Variants in RAD51B observed in about 807,000 individuals in gnomAD.
The protein encoded by RAD51B is DNA repair protein RAD51 homolog 2.
Under a neutral mutation model 42.2 loss-of-function variants are expected in RAD51B, and 38 were observed. The observed-to-expected ratio is 0.90, with a 90% CI of 0.70 to 1.18. The LOEUF (loss-of-function observed/expected upper bound fraction) is 1.18, where lower values mean the gene tolerates loss of function less well. Among genes scored for constraint, RAD51B ranks in the 50% most tolerant of loss-of-function variants. RAD51B has a pLI of 0.00. For missense variants in RAD51B, 373 were observed against 400.7 expected, an observed-to-expected ratio of 0.93 and a Z score of 0.59; for synonymous variants, 154 against 145.2, an observed-to-expected ratio of 1.06 and a Z score of -0.43.
chr14:68,158,742 C>T (rs898318690), intron 7 of RAD51B, among the ~76,000 whole-genome samples: 3 of 152,142 alleles, frequency 2.0e-5, no homozygotes, highest in African/African-American at 4.8e-5. Context: ...ATTTTTGCCT[C>T]TCCTGTCGAT....
chr14:68,327,228 T>C (rs1312151142), intron 8 of RAD51B, among the ~76,000 whole-genome samples: 1 of 152,174 alleles, frequency 6.6e-6, no homozygotes, highest in East Asian at 1.9e-4. Flanking sequence ...GTTCTTAAAC[T>C]ATCAATCTGA....
intron 7 of RAD51B, chr14:67,908,749 G>T (rs546278978): frequency 6.6e-6 from 1 of 152,160 alleles, no homozygotes; most frequent in Admixed American, 6.5e-5. Context: ...TTGAGCATTT[G>T]TGATGTCTTG....
At chr14:68,021,003 CAGAG>C (rs2075854760) in intron 7 of RAD51B, among the ~76,000 whole-genome samples, 2 of 152,124 alleles carry the variant, frequency 1.3e-5, no homozygotes, top group African/African-American at 4.8e-5. Context: ...AGTGGATTCA[CAGAG>C]AGCTTTGTGA....
chr14:68,074,881 G>C (rs1436589887), intron 7 of RAD51B, among the ~76,000 whole-genome samples: 1 of 152,218 alleles, frequency 6.6e-6, no homozygotes, highest in Non-Finnish European at 1.5e-5. Context: ...TTCTTGCTCA[G>C]CCATGTGGCT....
At chr14:68,147,382 A>C (rs1254403816) in intron 7 of RAD51B, among the ~76,000 whole-genome samples, 1 of 152,208 alleles carries the variant, frequency 6.6e-6, no homozygotes, top group Non-Finnish European at 1.5e-5. Flanking sequence ...TTTACCTGTA[A>C]GGACCTGTCT....
downstream of RAD51B, among the ~76,000 whole-genome samples, chr14:68,599,270 T>G (rs1262167312): frequency 6.6e-6 from 1 of 152,228 alleles, no homozygotes; most frequent in Non-Finnish European, 1.5e-5. Flanking sequence ...TACTACGTGC[T>G]GGACGTTATT....
At chr14:68,043,786 AAACT>A (rs2076253445) in intron 7 of RAD51B, among the ~76,000 whole-genome samples, 1 of 152,376 alleles carries the variant, frequency 6.6e-6, no homozygotes, top group African/African-American at 2.4e-5. Context: ...ATTAAAAAAC[AAACT>A]AAGACTAAGC....
At chr14:67,957,946 C>G (rs1463310835) in intron 7 of RAD51B, among the ~76,000 whole-genome samples, 1 of 152,110 alleles carries the variant, frequency 6.6e-6, no homozygotes, top group Non-Finnish European at 1.5e-5. Context: ...GATCAGGAAA[C>G]AAAAGAATTG....
At chr14:68,155,666 G>A (rs1216043140) in intron 7 of RAD51B, among the ~76,000 whole-genome samples, 3 of 152,262 alleles carry the variant, frequency 2.0e-5, no homozygotes, top group East Asian at 1.9e-4. Context: ...ATAAATGGTT[G>A]CAAAATTCAA....
intron 10 of RAD51B, among the ~76,000 whole-genome samples, chr14:68,530,198 C>G (rs1194298723): frequency 2.6e-5 from 4 of 151,890 alleles, no homozygotes; most frequent in Admixed American, 2.6e-4. Context: ...AACCTCAGCA[C>G]TTTGGGAGGC....
At chr14:67,846,205 TA>T (rs1174790721) in intron 4 of RAD51B, among the ~76,000 whole-genome samples, 2 of 152,128 alleles carry the variant, frequency 1.3e-5, no homozygotes, top group African/African-American at 4.8e-5. Flanking sequence ...TCTGTGTGCA[TA>T]TTCATACTGG....
intron 8 of RAD51B, among the ~76,000 whole-genome samples, chr14:68,304,181 A>T (rs963620234): frequency 5.3e-5 from 8 of 151,916 alleles, no homozygotes; most frequent in Non-Finnish European, 8.8e-5. Flanking sequence ...AAAAAAAAAA[A>T]AGGCACTATG....
chr14:67,983,169 G>A (rs1202382519), intron 7 of RAD51B, among the ~76,000 whole-genome samples: 1 of 152,128 alleles, frequency 6.6e-6, no homozygotes, highest in Non-Finnish European at 1.5e-5. Context: ...TCCCAAGTGA[G>A]GACTTAGAAC....
At chr14:68,559,007 A>G (rs951105828) in intron 10 of RAD51B, among the ~76,000 whole-genome samples, 1 of 151,604 alleles carries the variant, frequency 6.6e-6, no homozygotes, top group Non-Finnish European at 1.5e-5. Context: ...ATTTACATGT[A>G]TATATATATA....
intron 10 of RAD51B, among the ~76,000 whole-genome samples, chr14:68,632,460 C>A (rs1031500483): frequency 1.1e-4 from 17 of 152,212 alleles, no homozygotes; most frequent in Non-Finnish European, 2.9e-5. Flanking sequence ...GCAGCCTTTT[C>A]CAGGGATGCC....
chr14:68,677,317 T>C lies in RAD51B; in HGVS notation c.*11+26461T>C, dbSNP rs1439334153. Among the ~76,000 whole-genome samples the C allele has an allele frequency of 3.3e-5, 5 of 152,310 alleles. No homozygotes were observed. The South Asian group carries it at 8.3e-4, about 25-fold the overall frequency. Reference sequence around the variant, plus strand: ...GTGATGGATGCATTTGGGCCCCGCTTGGAGGCGGGAGAGATTCCTTGCGCA... The same window carrying C: ...GTGATGGATGCATTTGGGCCCCGCTCGGAGGCGGGAGAGATTCCTTGCGCA... On this transcript the variant is annotated intron_variant, in intron 11 of 11. Transcript: ENST00000488612.
At chr14:68,067,475 A>AC (rs1334534427) in intron 7 of RAD51B, among the ~76,000 whole-genome samples, 114 of 142,988 alleles carry the variant, frequency 8.0e-4, no homozygotes, top group Admixed American at 1.6e-3. Context: ...GAAAAAAAAA[A>AC]ACAAAAAAAA....
At chr14:68,012,077 A>G (rs368794491) in intron 7 of RAD51B, among the ~76,000 whole-genome samples, 2 of 152,242 alleles carry the variant, frequency 1.3e-5, no homozygotes, top group South Asian at 2.1e-4. Context: ...AGACCTTTTC[A>G]AAGTAGATAA....
intron 7 of RAD51B, among the ~76,000 whole-genome samples, chr14:68,284,750 A>G (rs949771236): frequency 2.6e-5 from 4 of 151,332 alleles, no homozygotes; most frequent in Non-Finnish European, 4.4e-5. Context: ...ATAAAAGTTT[A>G]TTTTTGTGTT....
Sources: allele counts gnomAD v4.1 joint callset (sites outside exome capture counted in the v4.1 genomes callset), GRCh38; gene constraint gnomAD v4.1.1; transcripts MANE v1.5; gene names NCBI Gene and HGNC (gene_info 2026-07-23, HGNC 2026-07-21).